FNIP1: variants seen among roughly 807,000 people sequenced by gnomAD.
The protein encoded by FNIP1 is folliculin interacting protein 1.
FNIP1 carries 40 observed loss-of-function variants against 124.5 expected under a neutral mutation model. The observed-to-expected ratio is 0.32, with a 90% CI of 0.25 to 0.42. The LOEUF is 0.42. Ranked by LOEUF, FNIP1 falls within the 10% of genes least tolerant of loss-of-function variation. FNIP1 has a pLI of 1.00. For missense variants in FNIP1, 1,176 were observed against 1,403.7 expected, an observed-to-expected ratio of 0.84 and a Z score of 2.59; for synonymous variants, 472 against 470.6, an observed-to-expected ratio of 1.00 and a Z score of -0.04.
At chr5:131,791,771 A>C (rs116271513) in intron 1 of FNIP1, among the ~76,000 whole-genome samples, 1 of 152,378 alleles carries the variant, frequency 6.6e-6, no homozygotes, top group Non-Finnish European at 1.5e-5. Flanking sequence ...TATTGAGATG[A>C]CACCAAATTG....
intron 6 of FNIP1, among the ~76,000 whole-genome samples, chr5:131,715,859 A>C (rs1275388053): frequency 6.6e-6 from 1 of 151,982 alleles, no homozygotes; most frequent in Non-Finnish European, 1.5e-5. Flanking sequence ...AATTAATTAT[A>C]AATAAAAGTT....
intron 2 of FNIP1, among the ~76,000 whole-genome samples, chr5:131,735,625 TGTATACGTATATAC>T (rs542694730): frequency 1.1e-3 from 169 of 149,176 alleles, no homozygotes; most frequent in African/African-American, 4.1e-3. Context: ...TATTTATATA[TGTATACGTATATAC>T]GTATATATGC....
At chr5:131,721,154 AAAG>A (rs1252072467) in intron 3 of FNIP1, among the ~76,000 whole-genome samples, 2 of 152,230 alleles carry the variant, frequency 1.3e-5, no homozygotes, top group African/African-American at 4.8e-5. Flanking sequence ...CAGTTTTCAA[AAAG>A]AAGAAAATTC....
At chr5:131,766,665 G>A (rs950578678) in intron 1 of FNIP1, among the ~76,000 whole-genome samples, 2 of 152,212 alleles carry the variant, frequency 1.3e-5, no homozygotes, top group Non-Finnish European at 2.9e-5. Flanking sequence ...GACCCGAGAT[G>A]CAAGCAGCAT....
At chr5:131,683,308 G>A (rs1768150736) in intron 11 of FNIP1, among the ~76,000 whole-genome samples, 1 of 151,742 alleles carries the variant, frequency 6.6e-6, no homozygotes. Flanking sequence ...CCTCACTTTG[G>A]GAGGCCGAGG....
intron 1 of FNIP1, among the ~76,000 whole-genome samples, chr5:131,785,589 A>G (rs1456420930): frequency 6.6e-6 from 1 of 152,044 alleles, no homozygotes; most frequent in Admixed American, 6.5e-5. Flanking sequence ...ACAAGTAACG[A>G]GCTTCACCAC....
At chr5:131,650,150 C>CA (rs1767001043) in intron 16 of FNIP1, among the ~76,000 whole-genome samples, 1 of 151,996 alleles carries the variant, frequency 6.6e-6, no homozygotes, top group African/African-American at 2.4e-5. Context: ...TCTATTTCTG[C>CA]AAAAAATATC....
At chr5:131,708,016 C>G (rs1470415328) in intron 8 of FNIP1, among the ~76,000 whole-genome samples, 1 of 151,822 alleles carries the variant, frequency 6.6e-6, no homozygotes, top group Non-Finnish European at 1.5e-5. Context: ...ATAAGAAACT[C>G]AATTAGAAAA....
intron 7 of FNIP1, 152 bp from the exon 8 acceptor site, chr5:131,709,424 T>C (rs1769219108): frequency 1.6e-6 from 1 of 640,076 alleles, no homozygotes; most frequent in Non-Finnish European, 2.8e-6. Flanking sequence ...CCAAGAGCTA[T>C]TACTCAGTTG....
chr5:131,732,325 G>C (rs1407829431), intron 2 of FNIP1, among the ~76,000 whole-genome samples: 1 of 152,140 alleles, frequency 6.6e-6, no homozygotes, highest in Non-Finnish European at 1.5e-5. Flanking sequence ...CTAGTCTCCA[G>C]TTATCTCTAA....
At chr5:131,749,176 G>T (rs574369841) in intron 1 of FNIP1, among the ~76,000 whole-genome samples, 3 of 151,962 alleles carry the variant, frequency 2.0e-5, no homozygotes, top group Non-Finnish European at 4.4e-5. Flanking sequence ...ATAAGCTAAG[G>T]TTAATTTTAT....
intron 6 of FNIP1, among the ~76,000 whole-genome samples, chr5:131,713,671 C>A (rs1412424049): frequency 2.0e-5 from 3 of 152,204 alleles, no homozygotes; most frequent in African/African-American, 7.2e-5. Flanking sequence ...ATTCTGATTT[C>A]TTCTATTTCC....
intron 1 of FNIP1, among the ~76,000 whole-genome samples, chr5:131,763,713 C>T (rs887826210): frequency 6.6e-6 from 1 of 152,026 alleles, no homozygotes; most frequent in Non-Finnish European, 1.5e-5. Context: ...CAGACCCAAA[C>T]CATATCAATA....
intron 5 of FNIP1, 39 bp downstream of exon 5, chr5:131,718,947 T>A: frequency 6.4e-7 from 1 of 1,552,304 alleles, no homozygotes; most frequent in Non-Finnish European, 8.9e-7. Flanking sequence ...TTTGCACATC[T>A]AAAGTGATAC....
At chr5:131,763,933 T>A (rs1771330533) in intron 1 of FNIP1, among the ~76,000 whole-genome samples, 1 of 152,114 alleles carries the variant, frequency 6.6e-6, no homozygotes, top group Non-Finnish European at 1.5e-5. Flanking sequence ...TTGAAAGTAA[T>A]CTCCAGTATT....
At chr5:131,713,263 G>C (rs1362317745) in intron 6 of FNIP1, among the ~76,000 whole-genome samples, 1 of 152,146 alleles carries the variant, frequency 6.6e-6, no homozygotes, top group African/African-American at 2.4e-5. Context: ...AGCCAGGATG[G>C]TGTCAATCTC....
Position 131,644,652 on chromosome 5 carries a change from T to C in FNIP1, c.*33A>G. 1.3e-6 allele frequency: 2 copies of C among 1,589,350 alleles called. No homozygotes were observed. The highest frequency in any genetic ancestry group is 1.7e-4 in the Middle Eastern group (1 of 6,006). Reference sequence around the variant, plus strand: ...GTCTGCTTCCTTGGTTTCTACCTATTTTCCCACCAATTTCTAACAATTTTT... The same window carrying C: ...GTCTGCTTCCTTGGTTTCTACCTATCTTCCCACCAATTTCTAACAATTTTT... On this transcript the variant is annotated 3_prime_UTR_variant, in exon 18 of 18. Coordinates refer to ENST00000510461, the MANE Select transcript of FNIP1 (RefSeq NM_133372.3).
intron 10 of FNIP1, among the ~76,000 whole-genome samples, chr5:131,702,094 G>T (rs1231624724): frequency 6.6e-6 from 1 of 152,086 alleles, no homozygotes; most frequent in African/African-American, 2.4e-5. Flanking sequence ...GGCCTAACAG[G>T]GAAACTGTTA....
intron 2 of FNIP1, among the ~76,000 whole-genome samples, chr5:131,734,757 A>G (rs1770229471): frequency 6.6e-6 from 1 of 152,216 alleles, no homozygotes; most frequent in African/African-American, 2.4e-5. Context: ...CAAAACCACA[A>G]TGAGATATCT....
Sources: gnomAD v4.1 joint callset for allele counts (sites outside exome capture counted in the v4.1 genomes callset) on GRCh38, gnomAD v4.1.1 for gene constraint, MANE v1.5 for transcripts, NCBI Gene and HGNC (gene_info 2026-07-23, HGNC 2026-07-21) for gene names.